The following OLFM1 variants were observed in gnomAD, a reference collection of about 807,000 sequenced individuals.
OLFM1 encodes the protein noelin.
A neutral mutation model predicts 49.7 loss-of-function variants in OLFM1; 9 were observed. That is an observed-to-expected ratio of 0.18 (90% confidence interval 0.11 to 0.32). The LOEUF (loss-of-function observed/expected upper bound fraction) is 0.32. Among genes scored for constraint, OLFM1 ranks in the 10% least tolerant of loss-of-function variants. The probability of loss-of-function intolerance (pLI) is 1.00; values close to 1 mark genes in which losing one functional copy is unlikely to be tolerated. For missense variants in OLFM1, 369 were observed against 661.8 expected (o/e 0.56, Z 4.85); for synonymous variants, 240 against 271.8 (o/e 0.88, Z 1.15).
intron 2 of OLFM1, among the ~76,000 whole-genome samples, chr9:135,093,547 T>G (rs1830743802): frequency 1.3e-5 from 2 of 152,206 alleles, no homozygotes; most frequent in African/African-American, 4.8e-5. Flanking sequence ...AATTATTAGC[T>G]GTTAGTTATC....
intron 1 of OLFM1, among the ~76,000 whole-genome samples, chr9:135,080,000 G>T (rs1232017494): frequency 6.6e-6 from 1 of 152,078 alleles, no homozygotes; most frequent in Admixed American, 6.5e-5. Flanking sequence ...CACTTGGGGA[G>T]TTGTGGGTTG....
At chr9:135,111,002 C>G (rs190174076) in intron 5 of OLFM1, among the ~76,000 whole-genome samples, 43 of 152,356 alleles carry the variant, frequency 2.8e-4, no homozygotes, top group Non-Finnish European at 5.4e-4. Flanking sequence ...TGCCCATCGT[C>G]CAGCTCTACC....
chr9:135,103,185 C>T (rs1243777350), intron 4 of OLFM1, among the ~76,000 whole-genome samples: 1 of 152,210 alleles, frequency 6.6e-6, no homozygotes, highest in African/African-American at 2.4e-5. Flanking sequence ...CCGGCCAGCC[C>T]TCTCCTGCCT....
At chr9:135,100,070 C>T (rs1830850264) in intron 4 of OLFM1, among the ~76,000 whole-genome samples, 1 of 152,142 alleles carries the variant, frequency 6.6e-6, no homozygotes, top group African/African-American at 2.4e-5. Context: ...CCTCGGCCTC[C>T]GAAGAATCCA....
intron 1 of OLFM1, chr9:135,076,602 C>A (rs1258227254): frequency 1.9e-6 from 2 of 1,070,244 alleles, no homozygotes; most frequent in African/African-American, 1.6e-5. Flanking sequence ...CTATGGTGCT[C>A]GGAAGAGCCT....
At position 135,114,001 on chromosome 9, in the gene OLFM1, T is replaced by C. The variant is rs181123616; in HGVS notation, c.784-5503T>C. On this transcript the variant is annotated intron_variant, in intron 5 of 5. Coordinates refer to ENST00000371793, the MANE Select transcript of OLFM1 (RefSeq NM_001282611.2). ...CCTGGCTGTGGCTGCATCACTCCAGTCTCTGCCTCCGTCTTCACATGGCTC... is the reference window on the plus strand; with the variant it reads ...CCTGGCTGTGGCTGCATCACTCCAGCCTCTGCCTCCGTCTTCACATGGCTC... Among the ~76,000 whole-genome samples the C allele has an allele frequency of 7.4e-4, 113 of 152,198 alleles. No individual in the cohort carries two copies. In the Middle Eastern group the frequency reaches 0.014, roughly 18 times the overall value.
At chr9:135,102,996 A>G (rs555611676) in intron 4 of OLFM1, among the ~76,000 whole-genome samples, 1 of 152,336 alleles carries the variant, frequency 6.6e-6, no homozygotes, top group Non-Finnish European at 1.5e-5. Flanking sequence ...TCTCATCCGC[A>G]GGGGCATCAG....
chr9:135,111,913 C>T (rs945027441), intron 5 of OLFM1, among the ~76,000 whole-genome samples: 3 of 152,110 alleles, frequency 2.0e-5, no homozygotes, highest in Admixed American at 1.3e-4. Context: ...GACAGGGTTT[C>T]ACCACATTGG....
chr9:135,106,629 C>A, intron 4 of OLFM1, 120 bp from the exon 5 acceptor site: 1 of 694,260 alleles, frequency 1.4e-6, no homozygotes, highest in South Asian at 1.8e-5. Flanking sequence ...TACCCCAGAC[C>A]CCGAGGGCAA....
Position 135,113,485 on chromosome 9 carries a change from C to T in OLFM1, c.784-6019C>T, listed in dbSNP as rs1370696113. Among the ~76,000 whole-genome samples the T allele has an allele frequency of 6.6e-6, 1 of 152,170 alleles. No homozygotes were observed. Among genetic ancestry groups the T allele is most frequent in the Non-Finnish European group, 1.5e-5 (1 of 68,024 alleles). The stretch of plus-strand genomic sequence containing the variant: ...AACCACTACAGGTGGCAGGTCCTCA[C>T]AGGACCTATTTTACAGCAGAGGGAA... On this transcript the variant is annotated intron_variant, in intron 5 of 5. Transcript: ENST00000371793. The surrounding 1 kb of genome is among the most constrained non-coding windows in gnomAD (Gnocchi z 4.0).
chr9:135,102,773 G>C (rs1423129248), intron 4 of OLFM1, among the ~76,000 whole-genome samples: 1 of 152,182 alleles, frequency 6.6e-6, no homozygotes, highest in Non-Finnish European at 1.5e-5. Flanking sequence ...TGTGACCAAG[G>C]GAGATAGGCT....
At chr9:135,118,848 T>C (rs867282402) in intron 5 of OLFM1, among the ~76,000 whole-genome samples, 3 of 111,220 alleles carry the variant, frequency 2.7e-5, no homozygotes, top group African/African-American at 1.2e-4. Context: ...TTTGGAGTGC[T>C]CACCGGGTCT....
At chr9:135,099,790 G>C (rs1830846260) in intron 4 of OLFM1, among the ~76,000 whole-genome samples, 1 of 152,196 alleles carries the variant, frequency 6.6e-6, no homozygotes, top group African/African-American at 2.4e-5. Context: ...ACAGTGGCTG[G>C]GTGATCTCAG....
Position 135,088,323 on chromosome 9 carries a change from C to T in OLFM1, c.150+184C>T, listed in dbSNP as rs906701136. ...GCGCAGCGGTGGCGACCCTGCTCCC[C>T]GCTCCCCCAGCCTGGGCCACTCCAT... On this transcript the variant is annotated intron_variant, in intron 1 of 5. Transcript: ENST00000371793. The surrounding 1 kb of genome is among the most constrained non-coding windows in gnomAD (Gnocchi z 4.8). 1.3e-5 allele frequency among the ~76,000 whole-genome samples: 2 copies of T among 151,824 alleles called. No homozygotes were observed. The highest frequency in any genetic ancestry group is 2.0e-4 in the East Asian group (1 of 5,080).
rs1457575917 is a variant in OLFM1 at position 135,119,392 on chromosome 9, T to C, written c.784-112T>C. 4 of 864,244 alleles carry C rather than the reference T, an allele frequency of 4.6e-6. No individual in the cohort carries two copies. The African/African-American group carries it at 6.9e-5, about 15-fold the overall frequency. The allele number at this position is 864,244 out of a possible 1,614,324, so 53.5% of individuals were successfully genotyped here. ...TGGAGTGCTCACTGGGTCTTTGGAG[T>C]GCTCAGTGGGTCTTTGGAGTACTCA... On this transcript the variant is annotated intron_variant, in intron 5 of 5. Coordinates refer to ENST00000371793, the MANE Select transcript of OLFM1 (RefSeq NM_001282611.2).
At chr9:135,099,762 G>T (rs894387958) in intron 4 of OLFM1, among the ~76,000 whole-genome samples, 5 of 152,210 alleles carry the variant, frequency 3.3e-5, no homozygotes, top group Non-Finnish European at 5.9e-5. Flanking sequence ...GTGCTCCATG[G>T]TGCCCAGCCC....
At chr9:135,101,750 A>G (rs1245405481) in intron 4 of OLFM1, among the ~76,000 whole-genome samples, 3 of 152,176 alleles carry the variant, frequency 2.0e-5, no homozygotes, top group Non-Finnish European at 4.4e-5. Context: ...CCAGCAGCAA[A>G]GCTGAGCGAA....
At chr9:135,075,920 G>C (rs533501597) in intron 1 of OLFM1, 1 of 1,321,902 alleles carries the variant, frequency 7.6e-7, no homozygotes, top group African/African-American at 1.6e-5. Context: ...CGGCCTGGGC[G>C]CCCGAAGTGC....
chr9:135,112,294 T>C (rs1831034171), intron 5 of OLFM1, among the ~76,000 whole-genome samples: 1 of 151,862 alleles, frequency 6.6e-6, no homozygotes, highest in South Asian at 2.1e-4. Context: ...TGCAGAAGAG[T>C]CTCTGGTCTC....
Sources: allele counts gnomAD v4.1 joint callset (sites outside exome capture counted in the v4.1 genomes callset), GRCh38; gene constraint gnomAD v4.1.1; non-coding constraint Gnocchi (gnomAD v3.1); transcripts MANE v1.5; gene names NCBI Gene and HGNC (gene_info 2026-07-23, HGNC 2026-07-21).